Variants in PPIG observed in about 807,000 individuals in gnomAD.
The protein encoded by PPIG is peptidyl-prolyl cis-trans isomerase G.
PPIG carries 26 observed loss-of-function variants against 87.9 expected under a neutral mutation model. The observed-to-expected ratio is 0.30, with a 90% CI of 0.22 to 0.41. PPIG has a LOEUF of 0.41. Ranked by LOEUF, PPIG falls within the 10% of genes least tolerant of loss-of-function variation. The pLI, the probability that PPIG is intolerant of heterozygous loss-of-function variation, is 1.00. For synonymous variants in PPIG, 308 were observed against 276.5 expected, an observed-to-expected ratio of 1.11 and a Z score of -1.13; for missense variants, 722 against 879.4, an observed-to-expected ratio of 0.82 and a Z score of 2.26.
chr2:169,609,009 G>A (rs1194323829), intron 7 of PPIG, among the ~76,000 whole-genome samples: 6 of 151,184 alleles, frequency 4.0e-5, no homozygotes, highest in South Asian at 2.1e-4. Context: ...GCGTGAACCC[G>A]GGAGGGGGAG....
chr2:169,592,878 C>G (rs1486438273), intron 1 of PPIG, among the ~76,000 whole-genome samples: 6 of 152,176 alleles, frequency 3.9e-5, no homozygotes, highest in Non-Finnish European at 5.9e-5. Context: ...TGTGAGCCAT[C>G]TTTTGTTGTC....
intron 5 of PPIG, 85 bp downstream of exon 5, chr2:169,606,231 AT>A: frequency 1.0e-6 from 1 of 961,676 alleles, no homozygotes; most frequent in South Asian, 1.4e-5. Flanking sequence ...TTTTAGTCCA[AT>A]ATTCTTGTCA....
At chr2:169,622,622 A>G (rs948518159) in intron 9 of PPIG, among the ~76,000 whole-genome samples, 1 of 152,174 alleles carries the variant, frequency 6.6e-6, no homozygotes, top group Non-Finnish European at 1.5e-5. Context: ...GAGTTTCTAA[A>G]AGGTCAGATT....
intron 7 of PPIG, among the ~76,000 whole-genome samples, chr2:169,609,815 T>C (rs1420914950): frequency 6.6e-6 from 1 of 152,214 alleles, no homozygotes; most frequent in African/African-American, 2.4e-5. Flanking sequence ...AAGAATCTTC[T>C]ATTGATGCTA....
rs1412703414 is a variant in PPIG, at chr2:169,640,194, A to G, written c.*2671A>G. 1.3e-5 allele frequency: 2 copies of G among 152,174 alleles called. No individual in the cohort carries two copies. The highest frequency in any genetic ancestry group is 4.8e-5 in the African/African-American group (2 of 41,448). 9.4% of individuals were successfully genotyped at this position (152,174 alleles called of 1,614,324 possible). The stretch of plus-strand genomic sequence containing the variant: ...GTAAGTTCATAGTTTTAAGTTACTT[A>G]ATTGAAGCCCTCAGAAGTTGCAAAG... On this transcript the variant is annotated 3_prime_UTR_variant, in exon 14 of 14. Transcript: ENST00000260970.
intron 7 of PPIG, among the ~76,000 whole-genome samples, chr2:169,611,697 T>C (rs577960531): frequency 1.7e-3 from 260 of 152,302 alleles, no homozygotes; most frequent in Non-Finnish European, 2.8e-3. Context: ...TATTTTCCTC[T>C]TTTAAATAAA....
At position 169,584,380 on chromosome 2, in the gene PPIG, G is replaced by C. The variant is rs1270571518; in HGVS notation, c.-180G>C. The C allele has an allele frequency of 2.1e-6, 1 of 471,102 alleles. No individual in the cohort carries two copies. Among genetic ancestry groups the C allele is most frequent in the Non-Finnish European group, 4.4e-6 (1 of 227,080 alleles). The allele number at this position is 471,102 out of a possible 1,614,324, so 29.2% of individuals were successfully genotyped here. On this transcript the variant is annotated 5_prime_UTR_variant, in exon 1 of 14. Transcript: ENST00000260970. ...CGCTGTCTCTCCATGCCAGGACTGA[G>C]TTGTGGGGGAGGGAGGCGGTTAGCG...
Position 169,639,272 on chromosome 2 carries a change from G to C in PPIG, c.*1749G>C, listed in dbSNP as rs771104366. On this transcript the variant is annotated 3_prime_UTR_variant, in exon 14 of 14. Coordinates refer to ENST00000260970, the MANE Select transcript of PPIG (RefSeq NM_004792.3). ...CCACATTAGGGATAATTGAGTCTGA[G>C]TGCCCAAGCTATATAACGTTATGTA... The C allele has an allele frequency of 6.6e-6, 1 of 151,996 alleles. No individual in the cohort carries two copies. Among genetic ancestry groups the C allele is most frequent in the Non-Finnish European group, 1.5e-5 (1 of 67,940 alleles). 9.4% of individuals were successfully genotyped at this position (151,996 alleles called of 1,614,324 possible).
At chr2:169,609,081 CAAA>C (rs577846491) in intron 7 of PPIG, among the ~76,000 whole-genome samples, 8 of 105,836 alleles carry the variant, frequency 7.6e-5, no homozygotes, top group Admixed American at 9.3e-5. Context: ...AAGACTGTCT[CAAA>C]AAAAAAAAAA....
In PPIG at chr2:169,584,444, G is replaced by C; in HGVS notation, c.-116G>C. ...TTTCTGGCGGCGGTAGATTTGAAGC[G>C]CTTCAAAGGACCGGACCCAGAGAAG... On this transcript the variant is annotated 5_prime_UTR_variant, in exon 1 of 14. Coordinates refer to ENST00000260970, the MANE Select transcript of PPIG (RefSeq NM_004792.3). 2.1e-6 allele frequency: 1 copy of C among 471,084 alleles called. No individual in the cohort carries two copies. The highest frequency in any genetic ancestry group is 4.4e-6 in the Non-Finnish European group (1 of 227,036). 29.2% of individuals were successfully genotyped at this position (471,084 alleles called of 1,614,324 possible).
intron 6 of PPIG, among the ~76,000 whole-genome samples, chr2:169,607,972 ATCC>A (rs1685379351): frequency 6.6e-6 from 1 of 152,082 alleles, no homozygotes; most frequent in South Asian, 2.1e-4. Flanking sequence ...AGCTCCAGTG[ATCC>A]TCCTGCTTCA....
At chr2:169,612,218 C>T (rs772731891) in intron 7 of PPIG, among the ~76,000 whole-genome samples, 3 of 152,060 alleles carry the variant, frequency 2.0e-5, no homozygotes, top group Non-Finnish European at 4.4e-5. Flanking sequence ...GACTCTGTAC[C>T]ATTTCCCCTT....
At chr2:169,616,336 G>A (rs1685608285) in intron 9 of PPIG, among the ~76,000 whole-genome samples, 1 of 152,188 alleles carries the variant, frequency 6.6e-6, no homozygotes, top group South Asian at 2.1e-4. Context: ...ATAGAAGAAT[G>A]ATTTATAATC....
intron 9 of PPIG, among the ~76,000 whole-genome samples, chr2:169,625,730 T>G: frequency 7.1e-6 from 1 of 140,012 alleles, no homozygotes; most frequent in South Asian, 2.4e-4. Context: ...TTTAACCAAT[T>G]TTTTTTTTTA....
chr2:169,603,223 T>C (rs1356142605), intron 1 of PPIG, among the ~76,000 whole-genome samples: 1 of 152,230 alleles, frequency 6.6e-6, no homozygotes. Flanking sequence ...ACTTAGTGCC[T>C]TTGTTTCTTC....
intron 9 of PPIG, among the ~76,000 whole-genome samples, chr2:169,629,880 C>CT (rs922655973): frequency 1.2e-4 from 19 of 152,152 alleles, no homozygotes; most frequent in Admixed American, 3.3e-4. Context: ...AAGATAAATG[C>CT]TTTATACTTT....
chr2:169,636,616 A>G lies in PPIG; in HGVS notation c.1358A>G (p.Lys453Arg), dbSNP rs1295471860. ...EKDDKYKNKV[K>R]KRAKSKSRSK... ...GATGACAAGTATAAAAACAAAGTGA[A>G]GAAAAGGGCCAAATCTAAAAGTAGG... Residue 453 changes from lysine (K) to arginine (R), a missense_variant, in exon 14 of 14, where the codon AAG becomes AGG. By Grantham distance (26) the Lys-to-Arg change is conservative (BLOSUM62 2). Coordinates refer to ENST00000260970, the MANE Select transcript of PPIG (RefSeq NM_004792.3). 6.3e-7 allele frequency: 1 copy of G among 1,594,426 alleles called. No homozygotes were observed. Among genetic ancestry groups the G allele is most frequent in the South Asian group, 1.2e-5 (1 of 85,648 alleles).
In PPIG at chr2:169,614,580, T is replaced by A; in HGVS notation, c.408-5T>A. On this transcript the variant is annotated splice_region_variant and splice_polypyrimidine_tract_variant and intron_variant, in intron 8 of 13. Coordinates refer to ENST00000260970, the MANE Select transcript of PPIG (RefSeq NM_004792.3). ...TATTTAATAATTTTTTACTTGACAC[T>A]TTAGGCATCATGTTGTTTTTGGACA... The A allele has an allele frequency of 6.3e-7, 1 of 1,599,286 alleles. No homozygotes were observed. The highest frequency in any genetic ancestry group is 2.2e-5 in the East Asian group (1 of 44,668).
chr2:169,601,058 A>G (rs1006814197), intron 1 of PPIG, among the ~76,000 whole-genome samples: 1 of 152,158 alleles, frequency 6.6e-6, no homozygotes, highest in African/African-American at 2.4e-5. Flanking sequence ...GAAATAGGGT[A>G]TTGTTTTATG....
Sources: allele counts gnomAD v4.1 joint callset (sites outside exome capture counted in the v4.1 genomes callset), GRCh38; gene constraint gnomAD v4.1.1; transcripts MANE v1.5; gene names NCBI Gene and HGNC (gene_info 2026-07-23, HGNC 2026-07-21).